The following RIC3 variants were observed in gnomAD, a reference collection of about 807,000 sequenced individuals.
RIC3 encodes protein RIC-3.
RIC3 carries 28 observed loss-of-function variants against 27.3 expected under a neutral mutation model. The ratio of observed to expected loss-of-function variants is 1.02; its 90% CI spans 0.76 to 1.41. The LOEUF is 1.41. Among genes scored for constraint, RIC3 ranks in the 40% most tolerant of loss-of-function variants. The probability of loss-of-function intolerance (pLI) is 0.00; values close to 1 mark genes in which losing one functional copy is unlikely to be tolerated. For synonymous variants in RIC3, 184 were observed against 160.4 expected, an observed-to-expected ratio of 1.15 and a Z score of -1.11; for missense variants, 501 against 444.7, an observed-to-expected ratio of 1.13 and a Z score of -1.14.
rs143832465 is a variant in RIC3, at chr11:8,127,727, T to G, written c.522-920A>C. On this transcript the variant is annotated intron_variant, in intron 4 of 5. Coordinates refer to ENST00000309737, the MANE Select transcript of RIC3 (RefSeq NM_001206671.4). ...TTAATGGAGGCTACTTATTCTCTTC[T>G]TAAAACCCAGACACAAGTTAATACA... is the stretch of plus-strand genomic sequence containing the variant. Among the ~76,000 whole-genome samples the G allele has an allele frequency of 3.3e-5, 5 of 152,298 alleles. No homozygotes were observed. In the East Asian group the frequency reaches 7.7e-4, roughly 24 times the overall value.
At position 8,162,629 on chromosome 11, in the gene RIC3, CTTTTTTTTTTTT is replaced by C. The variant is rs757717970; in HGVS notation, c.124+6225_124+6236del. Among the ~76,000 whole-genome samples, 42 of 83,732 alleles carry C rather than the reference CTTTTTTTTTTTT, an allele frequency of 5.0e-4. 1 individual carries two copies. In the South Asian group the frequency reaches 9.1e-3, roughly 18 times the overall value. 54.9% of individuals were successfully genotyped at this position (83,732 alleles called of 152,430 possible). On this transcript the variant is annotated intron_variant, in intron 1 of 5. Transcript: ENST00000309737. ...GATACTTCAAGGCTCCATGCTTCTT[CTTTTTTTTTTTT>C]TTTTTTTTTTTTTTCTTTTTTTGAG...
intron 1 of RIC3, among the ~76,000 whole-genome samples, chr11:8,152,188 C>T (rs1950301987): frequency 6.6e-6 from 1 of 152,192 alleles, no homozygotes; most frequent in African/African-American, 2.4e-5. Flanking sequence ...AACAGTCTGG[C>T]AGTTTCTCAA....
At chr11:8,112,932 T>TA (rs1209844739) in intron 5 of RIC3, among the ~76,000 whole-genome samples, 2 of 152,238 alleles carry the variant, frequency 1.3e-5, no homozygotes, top group Admixed American at 6.5e-5. Context: ...ATGGACATTA[T>TA]AAAAGCCTTT....
intron 4 of RIC3, among the ~76,000 whole-genome samples, chr11:8,136,248 G>C (rs372012286): frequency 5.3e-5 from 8 of 152,134 alleles, no homozygotes; most frequent in African/African-American, 1.9e-4. Flanking sequence ...AGTGAACAAA[G>C]GGCACAGCGT....
In RIC3 at chr11:8,109,122, CAAT is replaced by C. The variant is rs1332380104; in HGVS notation, c.*1573_*1575del. On this transcript the variant is annotated 3_prime_UTR_variant, in exon 6 of 6. Transcript: ENST00000309737. Reference sequence around the variant, plus strand: ...GAATGACTTTCTGTAACTCAATTAACAATAAATGCCTAGTAGTAGCTGACAGAT... The same window carrying C: ...GAATGACTTTCTGTAACTCAATTAACAAATGCCTAGTAGTAGCTGACAGAT... 1 of 152,234 alleles carries C rather than the reference CAAT, an allele frequency of 6.6e-6. No individual in the cohort carries two copies. The highest frequency in any genetic ancestry group is 2.4e-5 in the African/African-American group (1 of 41,456). The allele number at this position is 152,234 out of a possible 1,614,324, so 9.4% of individuals were successfully genotyped here.
At chr11:8,103,887 T>C (rs1324020339), downstream of RIC3, 2 of 152,290 alleles carry the variant, frequency 1.3e-5, no homozygotes, top group Non-Finnish European at 2.9e-5. Flanking sequence ...AGGAAAACTC[T>C]TGGCCTCTGC....
rs1945180304 is a variant in RIC3, at chr11:8,110,943, C to T, written c.865G>A (p.Glu289Lys). The change falls in exon 6 of 6, where the codon GAA becomes AAA. Residue 289 changes from glutamate to lysine, a missense_variant. By Grantham distance (56) the Glu-to-Lys change is moderately conservative. Transcript: ENST00000309737. ...TCACACGAGGTAACAGAATTATCTT[C>T]CTGGGCTCTGGGGTCAGTGGGCAGA... ...ESLPTDPRAQ[E>K]DNSVTSCDPK... is the part of the protein sequence containing the mutation. 1 of 1,614,068 alleles carries T rather than the reference C, an allele frequency of 6.2e-7. No homozygotes were observed. The highest frequency in any genetic ancestry group is 1.3e-5 in the African/African-American group (1 of 74,916).
the RIC3 span, chr11:8,100,599 A>C: frequency 6.2e-7 from 1 of 1,613,624 alleles, no homozygotes; most frequent in East Asian, 2.2e-5. Context: ...CCGCCCCCGC[A>C]ACGTGAGTGT....
rs756286352 is a variant in RIC3, at chr11:8,140,047, T to TAC, written c.269_270dup (p.Ser91ValfsTer6). ...ATCTGCCCCATCAGACCTCTTCCAC[T>TAC]ACCTCCTCCTCCAGCACCTCCACCT... On this transcript the variant is annotated frameshift_variant, in exon 2 of 6. Transcript: ENST00000309737. LOFTEE classifies it high-confidence loss of function. 1 of 1,614,068 alleles carries TAC rather than the reference T, an allele frequency of 6.2e-7. No homozygotes were observed. The highest frequency in any genetic ancestry group is 8.5e-7 in the Non-Finnish European group (1 of 1,180,016).
Position 8,110,820 on chromosome 11 carries a change from G to T in RIC3, c.988C>A (p.Gln330Lys). Reference protein sequence around the residue: ...AGFSADSYPEQEETTKEEWSQ... With the variant: ...AGFSADSYPEKEETTKEEWSQ... ...CACTCTTCTTTGGTGGTTTCCTCTT[G>T]CTCAGGGTAGCTATCTGCACTGAAT... The change falls in exon 6 of 6, where the codon CAA becomes AAA. Residue 330 changes from glutamine (Q) to lysine (K), a missense_variant. Physicochemically the swap from Gln to Lys is moderately conservative, Grantham distance 53. Coordinates refer to ENST00000309737, the MANE Select transcript of RIC3 (RefSeq NM_001206671.4). 5 of 1,614,164 alleles carry T rather than the reference G, an allele frequency of 3.1e-6. No individual in the cohort carries two copies. The Admixed American group carries it at 6.7e-5, about 22-fold the overall frequency.
chr11:8,117,416 T>C lies in RIC3; in HGVS notation c.671-6279A>G, dbSNP rs145771470. ...GTTATTTATGACAACCTAGATGAAC[T>C]TGGAGGACATTATGTTAACTGAAAT... On this transcript the variant is annotated intron_variant, in intron 5 of 5. Transcript: ENST00000309737. Among the ~76,000 whole-genome samples, 413 of 152,324 alleles carry C rather than the reference T, an allele frequency of 2.7e-3. 3 individuals are homozygous for C. The highest frequency in any genetic ancestry group is 9.6e-3 in the African/African-American group (399 of 41,574).
chr11:8,120,121 A>G (rs1290162069), intron 5 of RIC3, among the ~76,000 whole-genome samples: 1 of 152,250 alleles, frequency 6.6e-6, no homozygotes, highest in Non-Finnish European at 1.5e-5. Flanking sequence ...CCATTGTGGA[A>G]GACAGTGTGG....
chr11:8,118,832 T>A (rs1946153541), intron 5 of RIC3, among the ~76,000 whole-genome samples: 1 of 151,472 alleles, frequency 6.6e-6, no homozygotes, highest in Admixed American at 6.6e-5. Flanking sequence ...GATCACACCA[T>A]TGCACTCTAG....
rs2134070320 is a variant in RIC3, at chr11:8,148,866, A to G, written c.125-8673T>C. Among the ~76,000 whole-genome samples the G allele has an allele frequency of 2.6e-5, 4 of 152,072 alleles. No homozygotes were observed. In the Middle Eastern group the frequency reaches 0.01, roughly 388 times the overall value. On this transcript the variant is annotated intron_variant, in intron 1 of 5. Coordinates refer to ENST00000309737, the MANE Select transcript of RIC3 (RefSeq NM_001206671.4). Reference sequence around the variant, plus strand: ...AACTAAATATTCAAGTTTTGAAAAGATGCAAAATCTTTCTTTAAAAAAAAG... The same window carrying G: ...AACTAAATATTCAAGTTTTGAAAAGGTGCAAAATCTTTCTTTAAAAAAAAG...
At chr11:8,104,920 GCAGAA>G (rs1294075686), downstream of RIC3, 2 of 139,688 alleles carry the variant, frequency 1.4e-5, no homozygotes, top group East Asian at 4.2e-4. Flanking sequence ...AATTCTAGAA[GCAGAA>G]GGTTGTTTTT....
In RIC3 at chr11:8,111,098, T is replaced by C. The variant is rs1241158696; in HGVS notation, c.710A>G (p.Asp237Gly). 1 of 1,610,836 alleles carries C rather than the reference T, an allele frequency of 6.2e-7. No homozygotes were observed. Among genetic ancestry groups the C allele is most frequent in the East Asian group, 2.2e-5 (1 of 44,768 alleles). The change falls in exon 6 of 6, where the codon GAC becomes GGC. Residue 237 changes from aspartate (D) to glycine (G), a missense_variant. Physicochemically the swap from Asp to Gly is moderately conservative, Grantham distance 94. Transcript: ENST00000309737. Reference sequence around the variant, plus strand: ...TGTTTCTTGCCTACGCTTGATACAGTCTGAAAGGTCATAAATTGGGTAAGT... The same window carrying C: ...TGTTTCTTGCCTACGCTTGATACAGCCTGAAAGGTCATAAATTGGGTAAGT... ...EETYPIYDLS[D>G]CIKRRQETIL...
chr11:8,101,297 T>C (rs1379728664), downstream of RIC3, among the ~76,000 whole-genome samples: 2 of 151,976 alleles, frequency 1.3e-5, no homozygotes, highest in African/African-American at 2.4e-5. Context: ...CTTTGTCCTT[T>C]GCCATCTGCC....
chr11:8,110,734 G>A lies in RIC3; in HGVS notation c.1074C>T (p.Ser358=), dbSNP rs1945145899. The A allele has an allele frequency of 6.2e-7, 1 of 1,614,194 alleles. No homozygotes were observed. ...GISTDKAYTG[S]MLRKRNPQGL... ...CCTGGGGGTTACGCTTCCTCAGCAT[G>A]CTGCCTGTATATGCTTTATCGGTGC... is the stretch of plus-strand genomic sequence containing the variant. Residue 358 remains serine (S), a synonymous_variant, in exon 6 of 6, where the codon AGC becomes AGT. Coordinates refer to ENST00000309737, the MANE Select transcript of RIC3 (RefSeq NM_001206671.4).
chr11:8,095,917 T>G, the RIC3 span, among the ~76,000 whole-genome samples: 1 of 152,206 alleles, frequency 6.6e-6, no homozygotes, highest in South Asian at 2.1e-4. Context: ...TGCAAGAAGT[T>G]TCCCATATGT....
Sources: allele counts gnomAD v4.1 joint callset (sites outside exome capture counted in the v4.1 genomes callset), GRCh38; gene constraint gnomAD v4.1.1; transcripts MANE v1.5; gene names NCBI Gene and HGNC (gene_info 2026-07-23, HGNC 2026-07-21).